The following TANC2 variants were observed in gnomAD, a reference collection of about 807,000 sequenced individuals.
The protein encoded by TANC2 is tetratricopeptide repeat, ankyrin repeat and coiled-coil containing 2.
TANC2 carries 26 observed loss-of-function variants against 210.5 expected under a neutral mutation model. The ratio of observed to expected loss-of-function variants is 0.12; its 90% confidence interval spans 0.09 to 0.17. The LOEUF (loss-of-function observed/expected upper bound fraction) is 0.17. TANC2 is among the 10% of genes least tolerant of loss of function. The pLI, the probability that TANC2 is intolerant of heterozygous loss-of-function variation, is 1.00. For missense variants in TANC2, 2,129 were observed against 2,608.9 expected (o/e 0.82, Z 4.01); for synonymous variants, 931 against 967.1 (o/e 0.96, Z 0.69).
chr17:63,301,544 A>G (rs2044713122), intron 9 of TANC2, among the ~76,000 whole-genome samples: 1 of 152,166 alleles, frequency 6.6e-6, no homozygotes, highest in Non-Finnish European at 1.5e-5. Flanking sequence ...CATTTCTTCT[A>G]GATTTTGTAG....
At chr17:63,260,761 C>CAAAAAAAA (rs745741190) in intron 8 of TANC2, among the ~76,000 whole-genome samples, 1 of 126,614 alleles carries the variant, frequency 7.9e-6, no homozygotes. Flanking sequence ...GACCCTGTCT[C>CAAAAAAAA]AAAAAAAAAA....
chr17:63,253,681 T>C (rs1395765188), intron 8 of TANC2, among the ~76,000 whole-genome samples: 1 of 152,178 alleles, frequency 6.6e-6, no homozygotes, highest in African/African-American at 2.4e-5. Flanking sequence ...GGCACAATTA[T>C]GGCTCACTGC....
At chr17:63,214,288 C>T (rs1371969813) in intron 7 of TANC2, among the ~76,000 whole-genome samples, 3 of 152,184 alleles carry the variant, frequency 2.0e-5, no homozygotes, top group African/African-American at 4.8e-5. Flanking sequence ...TGCCCAGGAT[C>T]AACACAAATG....
In TANC2 at chr17:63,415,652, C is replaced by G. The variant is rs745679564; in HGVS notation, c.4145C>G (p.Ser1382Cys). 6.8e-6 allele frequency: 11 copies of G among 1,613,456 alleles called. No individual in the cohort carries two copies. In the East Asian group the frequency reaches 2.2e-4, roughly 33 times the overall value. The change falls in exon 26 of 28, where the codon TCT becomes TGT. Residue 1382 changes from serine (S) to cysteine (C), a missense_variant. Transcript: ENST00000689528. ...AAGGTGTCTCTCCTCCTCAACCTCT[C>G]TCGGTGTCGCAGGAAAATGAACGTA...
intron 13 of TANC2, among the ~76,000 whole-genome samples, chr17:63,353,387 TAG>T (rs2046678616): frequency 1.3e-5 from 2 of 152,114 alleles, no homozygotes; most frequent in Non-Finnish European, 2.9e-5. Flanking sequence ...AATTTGGTGG[TAG>T]AGTCAGTGGT....
At chr17:62,987,029 A>G (rs1324048397) in intron 1 of TANC2, among the ~76,000 whole-genome samples, 1 of 152,158 alleles carries the variant, frequency 6.6e-6, no homozygotes, top group Non-Finnish European at 1.5e-5. Flanking sequence ...TGCCCTGCAT[A>G]TGAACATGTA....
intron 15 of TANC2, chr17:63,388,236 T>C (rs2047848339): frequency 6.5e-6 from 1 of 154,818 alleles, no homozygotes; most frequent in African/African-American, 2.4e-5. Flanking sequence ...GCCTGGGAAA[T>C]AGAGTTTTTC....
intron 2 of TANC2, among the ~76,000 whole-genome samples, chr17:63,030,602 T>A (rs959609214): frequency 1.3e-5 from 2 of 150,222 alleles, no homozygotes; most frequent in Non-Finnish European, 3.0e-5. Flanking sequence ...ACCCCCCGAT[T>A]CACCTCACAT....
intron 3 of TANC2, among the ~76,000 whole-genome samples, chr17:63,084,965 G>A (rs374322963): frequency 6.6e-6 from 1 of 152,154 alleles, no homozygotes. Flanking sequence ...GTAATGTGAA[G>A]TAGTCCATAG....
chr17:63,110,759 A>G (rs1316022763), intron 4 of TANC2, among the ~76,000 whole-genome samples: 3 of 152,208 alleles, frequency 2.0e-5, no homozygotes, highest in Non-Finnish European at 4.4e-5. Flanking sequence ...ACTGGCCTTT[A>G]AATTTCAACA....
chr17:63,411,255 G>A (rs1476975535), intron 21 of TANC2, among the ~76,000 whole-genome samples: 1 of 152,136 alleles, frequency 6.6e-6, no homozygotes, highest in Non-Finnish European at 1.5e-5. Flanking sequence ...AATAAAACAG[G>A]TATAGAGAGT....
At chr17:63,116,661 A>C (rs184831864) in intron 4 of TANC2, among the ~76,000 whole-genome samples, 96 of 152,320 alleles carry the variant, frequency 6.3e-4, no homozygotes, top group African/African-American at 2.2e-3. Context: ...TTGCTACTTT[A>C]TTAGTCAATC....
At chr17:63,080,068 G>T (rs2036715758) in intron 3 of TANC2, among the ~76,000 whole-genome samples, 2 of 152,086 alleles carry the variant, frequency 1.3e-5, no homozygotes, top group South Asian at 4.1e-4. Context: ...ACTATATTTT[G>T]TCTTATTTGT....
intron 11 of TANC2, chr17:63,338,854 T>A (rs1001700482): frequency 6.6e-6 from 1 of 152,176 alleles, no homozygotes; most frequent in Non-Finnish European, 1.5e-5. Flanking sequence ...TTCAGGTGTT[T>A]AAAAAATATC....
chr17:63,408,636 C>T (rs941512469), intron 21 of TANC2, among the ~76,000 whole-genome samples: 1 of 152,194 alleles, frequency 6.6e-6, no homozygotes. Context: ...ATAAATGGCT[C>T]TCATCAGGAT....
chr17:63,163,443 A>T (rs2040097027), intron 5 of TANC2, among the ~76,000 whole-genome samples: 1 of 152,178 alleles, frequency 6.6e-6, no homozygotes, highest in Non-Finnish European at 1.5e-5. Context: ...ATAATCTTCA[A>T]AGAATGAGTG....
At chr17:63,086,905 A>C (rs1248640299) in intron 3 of TANC2, among the ~76,000 whole-genome samples, 1 of 146,740 alleles carries the variant, frequency 6.8e-6, no homozygotes, top group Non-Finnish European at 1.6e-5. Context: ...TGGACCAATC[A>C]GCACTCTGTA....
intron 2 of TANC2, among the ~76,000 whole-genome samples, chr17:63,052,830 G>A (rs1032263616): frequency 6.6e-6 from 1 of 152,160 alleles, no homozygotes; most frequent in African/African-American, 2.4e-5. Flanking sequence ...TTTATTTGCT[G>A]TTATGACTGT....
chr17:63,390,260 T>C (rs999435205), intron 17 of TANC2: 4 of 152,414 alleles, frequency 2.6e-5, no homozygotes, highest in African/African-American at 4.8e-5. Context: ...CTGAGGACTT[T>C]AGTGGTTTCA....
Sources: gnomAD v4.1 joint callset for allele counts (sites outside exome capture counted in the v4.1 genomes callset) on GRCh38, gnomAD v4.1.1 for gene constraint, MANE v1.5 for transcripts, NCBI Gene and HGNC (gene_info 2026-07-23, HGNC 2026-07-21) for gene names.